Variants in DEDD observed in about 807,000 individuals in gnomAD.
DEDD encodes death effector domain containing, also known as death effector domain-containing protein.
Under a neutral mutation model 29.2 loss-of-function variants are expected in DEDD, and 3 were observed. The ratio of observed to expected loss-of-function variants is 0.10; its 90% CI spans 0.05 to 0.27. The LOEUF (loss-of-function observed/expected upper bound fraction) is 0.27, where lower values mean the gene tolerates loss of function less well. Ranked by LOEUF, DEDD falls within the 10% of genes least tolerant of loss-of-function variation. The pLI is 1.00. For synonymous variants in DEDD, 152 were observed against 161.3 expected (o/e 0.94, Z 0.44); for missense variants, 261 against 420.5 (o/e 0.62, Z 3.32).
Position 161,121,955 on chromosome 1 carries a change from G to T in DEDD, c.*192C>A, listed in dbSNP as rs1411330370. 3 of 662,176 alleles carry T rather than the reference G, an allele frequency of 4.5e-6. No homozygotes were observed. The highest frequency in any genetic ancestry group is 7.5e-6 in the Non-Finnish European group (3 of 401,480). 41.0% of individuals were successfully genotyped at this position (662,176 alleles called of 1,614,324 possible). A position where few individuals can be genotyped will look rare whatever the true frequency, so the allele number is the denominator to read the frequency against. Reference sequence around the variant, plus strand: ...GGTAAATGGAAAAGGGAAATAAAGGGGAAGCCCAGGCACATGGGTGCAGGG... The same window carrying T: ...GGTAAATGGAAAAGGGAAATAAAGGTGAAGCCCAGGCACATGGGTGCAGGG... On this transcript the variant is annotated 3_prime_UTR_variant, in exon 6 of 6. Coordinates refer to ENST00000368006, the MANE Select transcript of DEDD (RefSeq NM_032998.3).
At chr1:161,123,733 T>G in intron 4 of DEDD, 106 bp downstream of exon 4, 2 of 997,956 alleles carry the variant, frequency 2.0e-6, no homozygotes, top group Non-Finnish European at 1.5e-6. Context: ...GGGCAAGATG[T>G]GGGCGCACAG....
chr1:161,122,403 G>T lies in DEDD; in HGVS notation c.701C>A (p.Thr234Asn), dbSNP rs746734855. Reference sequence around the variant, plus strand: ...GCCCAGGTCCCGGGACTTGAGGATGGTGTTGGCCTGGTTAAAGCGCTCAAA... The same window carrying T: ...GCCCAGGTCCCGGGACTTGAGGATGTTGTTGGCCTGGTTAAAGCGCTCAAA... ...RQFERFNQANTILKSRDLGSI... is the reference protein window; with the variant it reads ...RQFERFNQANNILKSRDLGSI... Residue 234 changes from threonine (T) to asparagine (N), a missense_variant, in exon 6 of 6, where the codon ACC becomes AAC. Thr to Asn is a moderately conservative substitution (Grantham distance 65). Transcript: ENST00000368006. This position sits in a 1 kb window ranked among gnomAD's most constrained non-coding sequence, Gnocchi z 4.2. 1 of 1,614,248 alleles carries T rather than the reference G, an allele frequency of 6.2e-7. No homozygotes were observed. The highest frequency in any genetic ancestry group is 1.7e-5 in the Admixed American group (1 of 60,032).
In DEDD at chr1:161,121,148, T is replaced by C. The variant is rs1220183034; in HGVS notation, c.*999A>G. ...GACTAAGCTCCAGTTCTAGACCTCC[T>C]GGCTCATTCAACATGCCTCCCTACC... On this transcript the variant is annotated 3_prime_UTR_variant, in exon 6 of 6. Transcript: ENST00000368006. The C allele has an allele frequency of 9.4e-7, 1 of 1,066,294 alleles. No homozygotes were observed. Among genetic ancestry groups the C allele is most frequent in the Non-Finnish European group, 1.1e-6 (1 of 877,766 alleles). 66.1% of individuals were successfully genotyped at this position (1,066,294 alleles called of 1,614,324 possible). A position where few individuals can be genotyped will look rare whatever the true frequency, so the allele number is the denominator to read the frequency against.
chr1:161,126,343 CTTTTTTTT>C (rs538174697), intron 2 of DEDD, among the ~76,000 whole-genome samples: 1 of 132,504 alleles, frequency 7.5e-6, no homozygotes, highest in African/African-American at 2.9e-5. Flanking sequence ...ACTCCAAACT[CTTTTTTTT>C]TTTTTTTTTT....
At position 161,122,959 on chromosome 1, in the gene DEDD, G is replaced by A. The variant is rs772698164; in HGVS notation, c.580+116C>T. On this transcript the variant is annotated intron_variant, in intron 5 of 5. Coordinates refer to ENST00000368006, the MANE Select transcript of DEDD (RefSeq NM_032998.3). This position sits in a 1 kb window ranked among gnomAD's most constrained non-coding sequence, Gnocchi z 4.2. ...ACACCAAACCATTCAGCCTCACTTT[G>A]CAATGGCAATCAAAGTGAATCTCAC... 5.6e-6 allele frequency: 9 copies of A among 1,596,954 alleles called. No homozygotes were observed. In the East Asian group the frequency reaches 1.6e-4, roughly 28 times the overall value.
At chr1:161,126,930 C>T (rs1338764596) in intron 2 of DEDD, among the ~76,000 whole-genome samples, 2 of 152,112 alleles carry the variant, frequency 1.3e-5, no homozygotes, top group Non-Finnish European at 2.9e-5. Context: ...ATTTTCTACA[C>T]CCCCATGCAG....
At chr1:161,125,619 A>G (rs1377767783) in intron 2 of DEDD, among the ~76,000 whole-genome samples, 1 of 152,070 alleles carries the variant, frequency 6.6e-6, no homozygotes, top group Non-Finnish European at 1.5e-5. Context: ...CTCGTGCCTC[A>G]GCCTCCCAAG....
intron 2 of DEDD, chr1:161,125,084 C>G (rs1656022139): frequency 6.6e-6 from 1 of 152,104 alleles, no homozygotes; most frequent in Admixed American, 6.6e-5. Context: ...AGTGAGTCCC[C>G]CATCTCGGAA....
intron 2 of DEDD, among the ~76,000 whole-genome samples, chr1:161,125,812 C>T (rs995227028): frequency 1.3e-5 from 2 of 152,068 alleles, no homozygotes; most frequent in Non-Finnish European, 2.9e-5. Flanking sequence ...TTGGCAATAC[C>T]ACCTTCTAAG....
In DEDD at chr1:161,124,217, A is replaced by C. The variant is rs751790653; in HGVS notation, c.246T>G (p.Phe82Leu). The C allele has an allele frequency of 6.2e-7, 1 of 1,614,114 alleles. No individual in the cohort carries two copies. The highest frequency in any genetic ancestry group is 8.5e-7 in the Non-Finnish European group (1 of 1,180,052). Residue 82 changes from phenylalanine to leucine, a missense_variant, in exon 3 of 6, where the codon TTT (phenylalanine) becomes TTG (leucine). Coordinates refer to ENST00000368006, the MANE Select transcript of DEDD (RefSeq NM_032998.3). ...TGCGCAGCAGCTGCAGCACCTGGCG[A>C]AAGTTACTTTCATCACAGCGGCCCT... ...ERQGRCDESN[F>L]RQVLQLLRII...
intron 2 of DEDD, among the ~76,000 whole-genome samples, chr1:161,127,965 C>G (rs922207102): frequency 2.0e-5 from 3 of 152,176 alleles, no homozygotes; most frequent in Non-Finnish European, 2.9e-5. Context: ...GAAACACTGT[C>G]CCCACATACC....
chr1:161,130,195 A>G (rs745658565), intron 2 of DEDD, among the ~76,000 whole-genome samples: 12 of 152,362 alleles, frequency 7.9e-5, no homozygotes, highest in African/African-American at 2.9e-4. Context: ...TTGTAATTTC[A>G]TAGAATTAAG....
At position 161,122,917 on chromosome 1, in the gene DEDD, A is replaced by G. The variant is rs1228707704; in HGVS notation, c.580+158T>C. The G allele has an allele frequency of 3.0e-6, 4 of 1,347,514 alleles. No individual in the cohort carries two copies. In the Admixed American group the frequency reaches 6.8e-5, roughly 23 times the overall value. 83.5% of individuals were successfully genotyped at this position (1,347,514 alleles called of 1,614,324 possible). On this transcript the variant is annotated intron_variant, in intron 5 of 5. Coordinates refer to ENST00000368006, the MANE Select transcript of DEDD (RefSeq NM_032998.3). The surrounding 1 kb of genome is among the most constrained non-coding windows in gnomAD (Gnocchi z 4.2). ...AATGTACCCTGCCACAATCATAAAG[A>G]GCAGTTCTTCCACCAGACACCAAAC...
rs892134927 is a variant in DEDD at position 161,122,315 on chromosome 1, G to A, written c.789C>T (p.Tyr263=). The part of the protein sequence containing the change: ...LTYLDAFWRD[Y]INGSLLEALK... ...GTGCCTCTAATAAAGAGCCATTGAT[G>A]TAGTCACGCCAGAATGCATCGAGGT... The change falls in exon 6 of 6, where the codon TAC becomes TAT. Residue 263 remains tyrosine (Y), a synonymous_variant. Coordinates refer to ENST00000368006, the MANE Select transcript of DEDD (RefSeq NM_032998.3). This position sits in a 1 kb window ranked among gnomAD's most constrained non-coding sequence, Gnocchi z 4.2. 5 of 1,614,120 alleles carry A rather than the reference G, an allele frequency of 3.1e-6. No homozygotes were observed. The highest frequency in any genetic ancestry group is 4.2e-6 in the Non-Finnish European group (5 of 1,180,056).
intron 4 of DEDD, 83 bp from the exon 5 acceptor site, chr1:161,123,304 A>G: frequency 7.5e-7 from 1 of 1,331,222 alleles, no homozygotes. Context: ...GGAAGGAATC[A>G]TTTAGACTTA....
chr1:161,122,115 G>GA lies in DEDD; in HGVS notation c.*31dup. 6.2e-7 allele frequency: 1 copy of GA among 1,607,744 alleles called. No homozygotes were observed. Among genetic ancestry groups the GA allele is most frequent in the Admixed American group, 1.7e-5 (1 of 59,920 alleles). On this transcript the variant is annotated 3_prime_UTR_variant, in exon 6 of 6. Coordinates refer to ENST00000368006, the MANE Select transcript of DEDD (RefSeq NM_032998.3). The surrounding 1 kb of genome is among the most constrained non-coding windows in gnomAD (Gnocchi z 4.2). Reference sequence around the variant, plus strand: ...TGTAAGCTCCAGAGGTGGGTGATGGGAACAGTCCCCAAAGTGAGAAGAGGG... The same window carrying GA: ...TGTAAGCTCCAGAGGTGGGTGATGGGAAACAGTCCCCAAAGTGAGAAGAGGG...
intron 2 of DEDD, among the ~76,000 whole-genome samples, chr1:161,126,035 C>T (rs1426832724): frequency 1.3e-5 from 2 of 152,348 alleles, no homozygotes; most frequent in East Asian, 3.9e-4. Flanking sequence ...CCATCCTATA[C>T]TGTGCACTCT....
intron 2 of DEDD, among the ~76,000 whole-genome samples, chr1:161,127,062 G>A (rs1656256376): frequency 6.6e-6 from 1 of 152,126 alleles, no homozygotes. Flanking sequence ...CTCAACTCAT[G>A]GAGAGATATA....
intron 2 of DEDD, chr1:161,125,445 A>T (rs1656063151): frequency 6.6e-6 from 1 of 152,188 alleles, no homozygotes; most frequent in African/African-American, 2.4e-5. Context: ...TTCTACAATA[A>T]GCATTCTTGT....
Sources: gnomAD v4.1 joint callset for allele counts (sites outside exome capture counted in the v4.1 genomes callset) on GRCh38, gnomAD v4.1.1 for gene constraint, Gnocchi (gnomAD v3.1) non-coding constraint, MANE v1.5 for transcripts, NCBI Gene and HGNC (gene_info 2026-07-23, HGNC 2026-07-21) for gene names.